Variants in PLRG1 observed in about 807,000 individuals in gnomAD.
The protein encoded by PLRG1 is pleiotropic regulator 1, also known as pleiotropic regulator 1 (PRL1 homolog, Arabidopsis).
In PLRG1, 28 loss-of-function variants were observed where a neutral mutation model predicts 74.9. The observed-to-expected ratio is 0.37, with a 90% CI of 0.28 to 0.51. The LOEUF (loss-of-function observed/expected upper bound fraction) is 0.51, where lower values mean the gene tolerates loss of function less well. PLRG1 is among the 20% of genes least tolerant of loss of function. The probability of loss-of-function intolerance (pLI) is 0.91; values close to 1 mark genes in which losing one functional copy is unlikely to be tolerated. For missense variants in PLRG1, 445 were observed against 631.9 expected (o/e 0.70, Z 3.17); for synonymous variants, 197 against 212.4 (o/e 0.93, Z 0.63).
intron 8 of PLRG1, among the ~76,000 whole-genome samples, chr4:154,541,302 C>A (rs533706101): frequency 9.9e-5 from 15 of 152,134 alleles, no homozygotes; most frequent in African/African-American, 3.6e-4. Flanking sequence ...AAATTTCATA[C>A]AAAGTTTTTT....
chr4:154,536,813 T>C, intron 14 of PLRG1, 69 bp from the exon 15 acceptor site: 3 of 808,604 alleles, frequency 3.7e-6, no homozygotes, highest in Non-Finnish European at 6.2e-6. Context: ...GCTTCCTTTC[T>C]AACAAAAATA....
In PLRG1 at chr4:154,535,192, CTTTT is replaced by C. The variant is rs373052006; in HGVS notation, c.*1489_*1492del. On this transcript the variant is annotated 3_prime_UTR_variant, in exon 15 of 15. Coordinates refer to ENST00000499023, the MANE Select transcript of PLRG1 (RefSeq NM_002669.4). ...GTTGTCCACAAAAATGCTTGCACAA[CTTTT>C]TTTTTTACCCAAGTTTAGAAATCTT... The C allele has an allele frequency of 2.7e-5, 4 of 149,104 alleles. No individual in the cohort carries two copies. The highest frequency in any genetic ancestry group is 4.5e-5 in the Non-Finnish European group (3 of 66,988). 9.2% of individuals were successfully genotyped at this position (149,104 alleles called of 1,614,324 possible).
At position 154,550,380 on chromosome 4, in the gene PLRG1, T is replaced by C. The variant is rs528423131; in HGVS notation, c.-72A>G. The C allele has an allele frequency of 6.2e-6, 9 of 1,448,414 alleles. No homozygotes were observed. The African/African-American group carries it at 7.1e-5, about 11-fold the overall frequency. 89.7% of individuals were successfully genotyped at this position (1,448,414 alleles called of 1,614,324 possible). A position where few individuals can be genotyped will look rare whatever the true frequency, so the allele number is the denominator to read the frequency against. On this transcript the variant is annotated 5_prime_UTR_variant, in exon 1 of 15. Transcript: ENST00000499023. Reference sequence around the variant, plus strand: ...CTAACGCAGTACCCGCCGCCACAGCTGTGCAGCACCTTCCGGAATTGGGCG... The same window carrying C: ...CTAACGCAGTACCCGCCGCCACAGCCGTGCAGCACCTTCCGGAATTGGGCG...
rs1439413052 is a variant in PLRG1 at position 154,537,942 on chromosome 4, A to C, written c.1291+27T>G. On this transcript the variant is annotated intron_variant, in intron 13 of 14. Transcript: ENST00000499023. ...TAAAAGAAAAAATAACAGACTAAAC[A>C]TATTTATTATAAAAATCTTATTTTA... The C allele has an allele frequency of 6.1e-6, 8 of 1,301,276 alleles. No individual in the cohort carries two copies. In the African/African-American group the frequency reaches 1.2e-4, roughly 19 times the overall value. 80.6% of individuals were successfully genotyped at this position (1,301,276 alleles called of 1,614,324 possible). A position where few individuals can be genotyped will look rare whatever the true frequency, so the allele number is the denominator to read the frequency against.
intron 12 of PLRG1, 78 bp from the exon 13 acceptor site, chr4:154,538,186 A>G (rs1473118108): frequency 1.4e-6 from 1 of 716,592 alleles, no homozygotes. Context: ...AGTTTATTTC[A>G]GTTATATTTT....
chr4:154,550,314 T>C lies in PLRG1; in HGVS notation c.-6A>G. Reference sequence around the variant, plus strand: ...TGTCACTTTACCTCGACCATGATGCTACCGTGTATCCCACCTCCGGCAGGG... The same window carrying C: ...TGTCACTTTACCTCGACCATGATGCCACCGTGTATCCCACCTCCGGCAGGG... On this transcript the variant is annotated 5_prime_UTR_variant, in exon 1 of 15. Coordinates refer to ENST00000499023, the MANE Select transcript of PLRG1 (RefSeq NM_002669.4). 1 of 1,613,158 alleles carries C rather than the reference T, an allele frequency of 6.2e-7. No homozygotes were observed. Among genetic ancestry groups the C allele is most frequent in the Non-Finnish European group, 8.5e-7 (1 of 1,179,054 alleles).
rs1424410312 is a variant in PLRG1 at position 154,539,100 on chromosome 4, C to A, written c.1151+5G>T. 1 of 1,488,634 alleles carries A rather than the reference C, an allele frequency of 6.7e-7. No individual in the cohort carries two copies. The allele number at this position is 1,488,634 out of a possible 1,614,324, so 92.2% of individuals were successfully genotyped here. A position where few individuals can be genotyped will look rare whatever the true frequency, so the allele number is the denominator to read the frequency against. ...ACAAGAAGCTAATTAGGAAAATACA[C>A]TTACTGTCTTGGATGTAAAACCACA... On this transcript the variant is annotated splice_donor_5th_base_variant and intron_variant, in intron 12 of 14. Transcript: ENST00000499023.
chr4:154,538,979 T>G, intron 12 of PLRG1, 126 bp downstream of exon 12: 1 of 657,896 alleles, frequency 1.5e-6, no homozygotes, highest in East Asian at 2.5e-5. Context: ...CACGTTCCTA[T>G]GCGGCACAGG....
chr4:154,540,314 A>G, intron 10 of PLRG1: 1 of 581,236 alleles, frequency 1.7e-6, no homozygotes, highest in Non-Finnish European at 3.0e-6. Context: ...TTTTAAGACT[A>G]CTGAATGAAA....
intron 8 of PLRG1, 107 bp from the exon 9 acceptor site, chr4:154,541,041 A>G: frequency 1.2e-6 from 1 of 834,508 alleles, no homozygotes; most frequent in Non-Finnish European, 1.7e-6. Context: ...GGAAAAAGAT[A>G]ACAAATACGT....
chr4:154,545,736 A>G (rs1729639542), intron 6 of PLRG1, 100 bp downstream of exon 6: 1 of 651,404 alleles, frequency 1.5e-6, no homozygotes, highest in Admixed American at 3.2e-5. Context: ...ATGAATGACT[A>G]GCTCAGGCTG....
intron 6 of PLRG1, among the ~76,000 whole-genome samples, chr4:154,544,757 G>A (rs903415016): frequency 2.0e-5 from 3 of 152,132 alleles, no homozygotes; most frequent in Admixed American, 6.5e-5. Context: ...CACTGTGTAC[G>A]GGTTCAAAAC....
intron 10 of PLRG1, 35 bp downstream of exon 10, chr4:154,540,559 A>G: frequency 7.3e-7 from 1 of 1,374,656 alleles, no homozygotes; most frequent in Non-Finnish European, 1.0e-6. Flanking sequence ...GATGCAATAT[A>G]TTTACAGATA....
Position 154,536,642 on chromosome 4 carries a change from A to C in PLRG1, c.*43T>G. 5.0e-6 allele frequency: 5 copies of C among 1,002,810 alleles called. No homozygotes were observed. The highest frequency in any genetic ancestry group is 7.6e-6 in the Non-Finnish European group (5 of 657,232). 62.1% of individuals were successfully genotyped at this position (1,002,810 alleles called of 1,614,324 possible). ...ATGAACGCCAAGCTTTTTTTTTTTTAATTAAAAAGAAAAAAAAAGAGAGAG... is the reference window on the plus strand; with the variant it reads ...ATGAACGCCAAGCTTTTTTTTTTTTCATTAAAAAGAAAAAAAAAGAGAGAG... On this transcript the variant is annotated 3_prime_UTR_variant, in exon 15 of 15. Coordinates refer to ENST00000499023, the MANE Select transcript of PLRG1 (RefSeq NM_002669.4).
intron 12 of PLRG1, among the ~76,000 whole-genome samples, chr4:154,538,710 G>C (rs1015739232): frequency 6.6e-6 from 1 of 151,890 alleles, no homozygotes; most frequent in Non-Finnish European, 1.5e-5. Context: ...TAATGTTCAC[G>C]GTTCTTATTA....
chr4:154,536,601 A>C lies in PLRG1; in HGVS notation c.*84T>G. On this transcript the variant is annotated 3_prime_UTR_variant, in exon 15 of 15. Coordinates refer to ENST00000499023, the MANE Select transcript of PLRG1 (RefSeq NM_002669.4). Reference sequence around the variant, plus strand: ...TTTATATTCCCAGCCAGAGCACAAAATGACTGGATATCCTCATGAACGCCA... The same window carrying C: ...TTTATATTCCCAGCCAGAGCACAAACTGACTGGATATCCTCATGAACGCCA... The C allele has an allele frequency of 1.4e-6, 1 of 724,628 alleles. No homozygotes were observed. Among genetic ancestry groups the C allele is most frequent in the Non-Finnish European group, 2.4e-6 (1 of 417,306 alleles). 44.9% of individuals were successfully genotyped at this position (724,628 alleles called of 1,614,324 possible).
Position 154,536,700 on chromosome 4 carries a change from C to A in PLRG1, c.1530G>T (p.Lys510Asn). 1 of 1,515,686 alleles carries A rather than the reference C, an allele frequency of 6.6e-7. No individual in the cohort carries two copies. The allele number at this position is 1,515,686 out of a possible 1,614,324, so 93.9% of individuals were successfully genotyped here. The change falls in exon 15 of 15, where the codon AAG becomes AAT. Residue 510 changes from lysine to asparagine, a missense_variant. This residue lies in a region of PLRG1 where 221 missense variants were observed against 377.7 expected (regional missense o/e 0.59). Coordinates refer to ENST00000499023, the MANE Select transcript of PLRG1 (RefSeq NM_002669.4). ...HPVSWKPEII[K>N]RKRF is the part of the protein sequence containing the mutation. ...TCCACATTCATTAAAATCTCTTTCTCTTGATAATTTCTGGTTTCCAGCTGA... is the reference window on the plus strand; with the variant it reads ...TCCACATTCATTAAAATCTCTTTCTATTGATAATTTCTGGTTTCCAGCTGA...
chr4:154,537,268 G>A lies in PLRG1; in HGVS notation c.1485+18C>T. 1 of 1,564,092 alleles carries A rather than the reference G, an allele frequency of 6.4e-7. No homozygotes were observed. Among genetic ancestry groups the A allele is most frequent in the African/African-American group, 1.4e-5 (1 of 73,720 alleles). Reference sequence around the variant, plus strand: ...GGTATAGCTGTTTTACTTAACGAATGTGAAACACAGAACTTACGGCTGTGT... The same window carrying A: ...GGTATAGCTGTTTTACTTAACGAATATGAAACACAGAACTTACGGCTGTGT... On this transcript the variant is annotated intron_variant, in intron 14 of 14. Transcript: ENST00000499023.
At chr4:154,542,431 GAGTTAAT>G in intron 7 of PLRG1, 152 bp from the exon 8 acceptor site, 1 of 605,308 alleles carries the variant, frequency 1.7e-6, no homozygotes, top group Non-Finnish European at 3.0e-6. Context: ...TATCTTCAGT[GAGTTAAT>G]AGTTAACACA....
Sources: allele counts gnomAD v4.1 joint callset (sites outside exome capture counted in the v4.1 genomes callset), GRCh38; gene constraint gnomAD v4.1.1; regional missense constraint gnomAD v4.1.1; transcripts MANE v1.5; gene names NCBI Gene and HGNC (gene_info 2026-07-23, HGNC 2026-07-21).